HDAC9: variants seen among roughly 807,000 people sequenced by gnomAD.
The protein encoded by HDAC9 is histone deacetylase 9.
A neutral mutation model predicts 139.4 loss-of-function variants in HDAC9; 41 were observed. The observed-to-expected ratio is 0.29, with a 90% CI of 0.23 to 0.38. The LOEUF (loss-of-function observed/expected upper bound fraction) is 0.38, where lower values mean the gene tolerates loss of function less well. Ranked by LOEUF, HDAC9 falls within the 10% of genes least tolerant of loss-of-function variation. HDAC9 has a pLI of 1.00. For synonymous variants in HDAC9, 517 were observed against 476.2 expected, an observed-to-expected ratio of 1.09 and a Z score of -1.12; for missense variants, 1,147 against 1,297.0, an observed-to-expected ratio of 0.88 and a Z score of 1.78.
At chr7:18,546,014 C>A (rs1814685120) in intron 2 of HDAC9, among the ~76,000 whole-genome samples, 1 of 152,282 alleles carries the variant, frequency 6.6e-6, no homozygotes, top group Admixed American at 6.5e-5. Flanking sequence ...TTTCTATTCT[C>A]ACTTATATTA....
At chr7:18,822,892 A>G (rs1337288067) in intron 17 of HDAC9, among the ~76,000 whole-genome samples, 1 of 152,210 alleles carries the variant, frequency 6.6e-6, no homozygotes, top group Non-Finnish European at 1.5e-5. Context: ...GCAATAAAAT[A>G]TTAGATTTTA....
At chr7:18,800,594 A>T (rs1445481547) in intron 17 of HDAC9, among the ~76,000 whole-genome samples, 2 of 152,270 alleles carry the variant, frequency 1.3e-5, no homozygotes, top group South Asian at 2.1e-4. Context: ...GCACTTAAGG[A>T]GGCTGAAGTG....
At chr7:18,929,878 G>C (rs1804577086) in intron 22 of HDAC9, among the ~76,000 whole-genome samples, 1 of 151,974 alleles carries the variant, frequency 6.6e-6, no homozygotes, top group African/African-American at 2.4e-5. Flanking sequence ...GGTGGAGGTT[G>C]CAGTGAGCTG....
intron 1 of HDAC9, among the ~76,000 whole-genome samples, chr7:18,452,031 A>G (rs780266144): frequency 2.0e-5 from 3 of 152,204 alleles, no homozygotes; most frequent in Non-Finnish European, 2.9e-5. Flanking sequence ...TTAGGTCTCA[A>G]GTAACTTTGC....
At chr7:18,704,272 T>C (rs1296868878) in intron 12 of HDAC9, among the ~76,000 whole-genome samples, 1 of 152,232 alleles carries the variant, frequency 6.6e-6, no homozygotes, top group African/African-American at 2.4e-5. Context: ...TACTTTTGCT[T>C]ACACACTTCT....
At chr7:18,345,457 T>A (rs1039166846) in intron 1 of HDAC9, among the ~76,000 whole-genome samples, 1 of 151,866 alleles carries the variant, frequency 6.6e-6, no homozygotes, top group Non-Finnish European at 1.5e-5. Flanking sequence ...ACAATTCTCC[T>A]AGCCAACCAC....
rs138677473 is a variant in HDAC9 at position 18,337,436 on chromosome 7, C to G, written c.-42+46921C>G. 3.1e-3 allele frequency among the ~76,000 whole-genome samples: 467 copies of G among 151,694 alleles called. 2 individuals carry two copies. The highest frequency in any genetic ancestry group is 0.011 in the African/African-American group (446 of 41,426). On this transcript the variant is annotated intron_variant, in intron 1 of 3. Coordinates refer to the HDAC9 transcript ENST00000413509. ...AAAAGCAGCTTATTTTTTTAACATT[C>G]CTGTATAACACTTTGAAAACATCCC...
chr7:18,585,141 TA>T, intron 2 of HDAC9, 139 bp from the exon 3 acceptor site: 1 of 907,606 alleles, frequency 1.1e-6, no homozygotes, highest in African/African-American at 1.7e-5. Flanking sequence ...ATCATCATTG[TA>T]AAGAAATGGC....
At chr7:18,463,953 CTCCT>C (rs1794062394) in intron 1 of HDAC9, among the ~76,000 whole-genome samples, 1 of 151,910 alleles carries the variant, frequency 6.6e-6, no homozygotes, top group South Asian at 2.1e-4. Flanking sequence ...TTTGTTGAGA[CTCCT>C]CTGGTCAATT....
In HDAC9 at chr7:18,591,703, C is replaced by T. The variant is rs535903997; in HGVS notation, c.542+61C>T. On this transcript the variant is annotated intron_variant, in intron 5 of 25. Coordinates refer to ENST00000686413, the MANE Select transcript of HDAC9 (RefSeq NM_178425.4). Reference sequence around the variant, plus strand: ...TAAAGAACACAGGTTCTGTATTTAGCCGACCTGGGTACACATCCTTAGCCT... The same window carrying T: ...TAAAGAACACAGGTTCTGTATTTAGTCGACCTGGGTACACATCCTTAGCCT... The T allele has an allele frequency of 2.4e-5, 38 of 1,584,866 alleles. No individual in the cohort carries two copies. The African/African-American group carries it at 4.4e-4, about 18-fold the overall frequency.
intron 24 of HDAC9, 45 bp downstream of exon 24, chr7:18,954,275 A>G (rs1782997316): frequency 8.8e-6 from 10 of 1,142,052 alleles, no homozygotes; most frequent in Non-Finnish European, 1.3e-5. Context: ...AGGTAAAACT[A>G]ACTAAAATTA....
At chr7:18,921,902 C>A (rs1334171930) in intron 22 of HDAC9, among the ~76,000 whole-genome samples, 7 of 152,034 alleles carry the variant, frequency 4.6e-5, no homozygotes, top group East Asian at 3.9e-4. Context: ...GCAGCCATAA[C>A]AAAGGATGAG....
chr7:18,195,021 TG>T (rs1790627099), intron 2 of HDAC9, among the ~76,000 whole-genome samples: 1 of 152,112 alleles, frequency 6.6e-6, no homozygotes, highest in South Asian at 2.1e-4. Flanking sequence ...TGCCAGTTTT[TG>T]TTTTTAACTA....
intron 1 of HDAC9, among the ~76,000 whole-genome samples, chr7:18,089,971 G>T (rs1004240355): frequency 1.3e-5 from 2 of 151,836 alleles, no homozygotes; most frequent in African/African-American, 2.4e-5. Flanking sequence ...AGTTGGTGGG[G>T]GCTCTTACTG....
chr7:18,776,239 G>A (rs1235165569), intron 16 of HDAC9, among the ~76,000 whole-genome samples: 2 of 151,972 alleles, frequency 1.3e-5, no homozygotes, highest in Admixed American at 1.3e-4. Context: ...CACTGTGCCT[G>A]GCAAATTCTC....
At chr7:18,144,849 T>C (rs1366284978) in intron 1 of HDAC9, among the ~76,000 whole-genome samples, 7 of 152,320 alleles carry the variant, frequency 4.6e-5, no homozygotes, top group African/African-American at 1.7e-4. Context: ...CTGTACCTTT[T>C]CTTCTAACCA....
intron 21 of HDAC9, among the ~76,000 whole-genome samples, chr7:18,864,886 AAT>A (rs1413724713): frequency 1.3e-5 from 2 of 152,162 alleles, no homozygotes; most frequent in African/African-American, 4.8e-5. Flanking sequence ...TAAATGGTTA[AAT>A]ACTTAAAATG....
intron 1 of HDAC9, among the ~76,000 whole-genome samples, chr7:18,377,435 C>T (rs536043522): frequency 6.6e-6 from 1 of 152,134 alleles, no homozygotes; most frequent in Non-Finnish European, 1.5e-5. Flanking sequence ...TTTTTCTAGT[C>T]AGTAGTATTT....
intron 17 of HDAC9, among the ~76,000 whole-genome samples, chr7:18,822,739 G>C (rs1795083072): frequency 6.6e-6 from 1 of 152,116 alleles, no homozygotes; most frequent in African/African-American, 2.4e-5. Flanking sequence ...GTGCCAGATT[G>C]CCTGGAATAG....
Sources: gnomAD v4.1 joint callset for allele counts (sites outside exome capture counted in the v4.1 genomes callset) on GRCh38, gnomAD v4.1.1 for gene constraint, MANE v1.5 for transcripts, NCBI Gene and HGNC (gene_info 2026-07-23, HGNC 2026-07-21) for gene names.